Variants in DCC observed in about 807,000 individuals in gnomAD.
DCC encodes the protein DCC netrin 1 receptor.
Under a neutral mutation model 172.5 loss-of-function variants are expected in DCC, and 58 were observed. That is an observed-to-expected ratio of 0.34 (90% CI 0.27 to 0.42). The LOEUF is 0.42. DCC is among the 10% of genes least tolerant of loss of function. The pLI, the probability that DCC is intolerant of heterozygous loss-of-function variation, is 1.00. For missense variants in DCC, 1,740 were observed against 1,791.0 expected (o/e 0.97, Z 0.51); for synonymous variants, 709 against 644.5 (o/e 1.10, Z -1.52).
At chr18:52,415,931 C>T (rs1027908613) in intron 1 of DCC, among the ~76,000 whole-genome samples, 6 of 152,040 alleles carry the variant, frequency 3.9e-5, no homozygotes, top group African/African-American at 1.2e-4. Context: ...AATATGTTTG[C>T]TCTTGCTTTT....
At chr18:52,375,925 G>C (rs563704002) in intron 1 of DCC, among the ~76,000 whole-genome samples, 53 of 152,304 alleles carry the variant, frequency 3.5e-4, no homozygotes, top group African/African-American at 1.2e-3. Flanking sequence ...AAATGGTAAA[G>C]ACTGGTAGTC....
chr18:53,466,137 T>C (rs1357682053), intron 24 of DCC, among the ~76,000 whole-genome samples: 1 of 152,186 alleles, frequency 6.6e-6, no homozygotes, highest in Non-Finnish European at 1.5e-5. Flanking sequence ...GGTCTCACTG[T>C]TGAACAGACT....
Position 52,709,009 on chromosome 18 carries a change from G to A in DCC, c.92-43045G>A, listed in dbSNP as rs559271290. Among the ~76,000 whole-genome samples, 5 of 152,198 alleles carry A rather than the reference G, an allele frequency of 3.3e-5. No homozygotes were observed. In the South Asian group the frequency reaches 6.2e-4, roughly 19 times the overall value. Reference sequence around the variant, plus strand: ...GAACAATAATTAATATGCATTTAGGGTTCAGTTTATTTCTGGCAATCTTTT... The same window carrying A: ...GAACAATAATTAATATGCATTTAGGATTCAGTTTATTTCTGGCAATCTTTT... On this transcript the variant is annotated intron_variant, in intron 1 of 28. Coordinates refer to ENST00000442544, the MANE Select transcript of DCC (RefSeq NM_005215.4).
Position 52,752,168 on chromosome 18 carries a change from T to A in DCC, c.206T>A (p.Val69Asp), listed in dbSNP as rs1326511847. 1.9e-6 allele frequency: 3 copies of A among 1,613,548 alleles called. No individual in the cohort carries two copies. In the South Asian group the frequency reaches 3.3e-5, roughly 18 times the overall value. ...TGCTCCGCGGAGTCCGACCGAGGAG[T>A]TCCAGTGATCAAGTGGAAGAAAGAT... The part of the protein sequence containing the change: ...LDCSAESDRG[V>D]PVIKWKKDGI... The change falls in exon 2 of 29, where the codon GTT becomes GAT. Residue 69 changes from valine (V) to aspartate (D), a missense_variant. Physicochemically the swap from Val to Asp is radical, Grantham distance 152. Transcript: ENST00000442544.
chr18:53,351,458 C>CACTGTATATATATAT (rs1568075464), intron 15 of DCC, among the ~76,000 whole-genome samples: 16 of 24,286 alleles, frequency 6.6e-4, no homozygotes, highest in African/African-American at 2.7e-3. Flanking sequence ...TATATATATA[C>CACTGTATATATATAT]ACAGTGTGTA....
chr18:52,533,412 TCCCTAG>T (rs1188085501), intron 1 of DCC, among the ~76,000 whole-genome samples: 1 of 152,130 alleles, frequency 6.6e-6, no homozygotes, highest in Non-Finnish European at 1.5e-5. Context: ...CCTTCTACCA[TCCCTAG>T]CCTCTCGCAA....
intron 12 of DCC, among the ~76,000 whole-genome samples, chr18:53,215,974 A>G (rs2055840590): frequency 6.6e-6 from 1 of 152,202 alleles, no homozygotes; most frequent in Non-Finnish European, 1.5e-5. Flanking sequence ...AGGAGAAAGA[A>G]AGACTGTTTC....
Position 52,384,917 on chromosome 18 carries a change from C to T in DCC, c.91+44039C>T, listed in dbSNP as rs573621165. Among the ~76,000 whole-genome samples the T allele has an allele frequency of 2.6e-5, 4 of 152,132 alleles. No homozygotes were observed. The South Asian group carries it at 8.3e-4, about 32-fold the overall frequency. On this transcript the variant is annotated intron_variant, in intron 1 of 28. Coordinates refer to ENST00000442544, the MANE Select transcript of DCC (RefSeq NM_005215.4). ...ATAATAATGAAAAGAGAGATATAAG[C>T]CAGTGTTTATAAAAACATGAAGAAC...
chr18:53,467,046 C>A (rs770130699), intron 24 of DCC, among the ~76,000 whole-genome samples: 10 of 151,546 alleles, frequency 6.6e-5, no homozygotes, highest in Non-Finnish European at 1.0e-4. Flanking sequence ...TAGTAAGTAC[C>A]CAAAATAGTA....
rs187756411 is a variant in DCC at position 52,686,131 on chromosome 18, C to T, written c.92-65923C>T. Among the ~76,000 whole-genome samples, 4 of 152,234 alleles carry T rather than the reference C, an allele frequency of 2.6e-5. No individual in the cohort carries two copies. The East Asian group carries it at 7.7e-4, about 29-fold the overall frequency. On this transcript the variant is annotated intron_variant, in intron 1 of 28. Transcript: ENST00000442544. ...CTTAGGAATTCTACTTCTGAGGCTTCCTCTGGCACTCTCTTTCACTTCCTT... is the reference window on the plus strand; with the variant it reads ...CTTAGGAATTCTACTTCTGAGGCTTTCTCTGGCACTCTCTTTCACTTCCTT...
At chr18:53,358,208 T>G (rs1207372717) in intron 15 of DCC, among the ~76,000 whole-genome samples, 1 of 152,138 alleles carries the variant, frequency 6.6e-6, no homozygotes, top group Non-Finnish European at 1.5e-5. Flanking sequence ...TTAGTGTGTT[T>G]CGGTGCTTTT....
chr18:52,641,971 C>T (rs2034899961), intron 1 of DCC, among the ~76,000 whole-genome samples: 2 of 147,584 alleles, frequency 1.4e-5, no homozygotes, highest in African/African-American at 5.1e-5. Flanking sequence ...AACCCAAATG[C>T]CCATCCATCA....
At chr18:52,673,299 A>G (rs2035586996) in intron 1 of DCC, among the ~76,000 whole-genome samples, 1 of 152,130 alleles carries the variant, frequency 6.6e-6, no homozygotes, top group Admixed American at 6.6e-5. Context: ...GTCACATTTC[A>G]TTTAGTTGTC....
intron 1 of DCC, among the ~76,000 whole-genome samples, chr18:52,564,890 A>G (rs1029101577): frequency 6.6e-6 from 1 of 152,086 alleles, no homozygotes; most frequent in Non-Finnish European, 1.5e-5. Context: ...CTTACATCAA[A>G]ATGGGTACCT....
At chr18:53,179,876 C>T (rs1568350125) in intron 9 of DCC, among the ~76,000 whole-genome samples, 3 of 152,122 alleles carry the variant, frequency 2.0e-5, no homozygotes, top group Non-Finnish European at 4.4e-5. Flanking sequence ...CATTAAAAAA[C>T]GATTGGAATT....
chr18:52,947,043 C>T (rs544584124), intron 5 of DCC, among the ~76,000 whole-genome samples: 12 of 152,246 alleles, frequency 7.9e-5, no homozygotes, highest in East Asian at 5.8e-4. Context: ...ATCTCAATAT[C>T]GATCCCATCT....
At chr18:52,656,183 A>G (rs2035251050) in intron 1 of DCC, among the ~76,000 whole-genome samples, 1 of 151,396 alleles carries the variant, frequency 6.6e-6, no homozygotes, top group African/African-American at 2.4e-5. Flanking sequence ...ACCAAAATTC[A>G]TATGTCGAAA....
chr18:52,794,871 G>A (rs2037843109), intron 2 of DCC, among the ~76,000 whole-genome samples: 1 of 151,756 alleles, frequency 6.6e-6, no homozygotes. Context: ...TCTTTTTGAT[G>A]CCTGTTGAGA....
intron 1 of DCC, among the ~76,000 whole-genome samples, chr18:52,719,080 C>T (rs1236986921): frequency 1.3e-5 from 2 of 152,098 alleles, no homozygotes; most frequent in East Asian, 3.9e-4. Context: ...CTTGTAGCTG[C>T]ATCACTCCAA....
Sources: gnomAD v4.1 joint callset for allele counts (sites outside exome capture counted in the v4.1 genomes callset) on GRCh38, gnomAD v4.1.1 for gene constraint, MANE v1.5 for transcripts, NCBI Gene and HGNC (gene_info 2026-07-23, HGNC 2026-07-21) for gene names.